The following FBXO22 variants were observed in gnomAD, a reference collection of about 807,000 sequenced individuals.
FBXO22 encodes F-box protein 22.
A neutral mutation model predicts 37.2 loss-of-function variants in FBXO22; 13 were observed. That is an observed-to-expected ratio of 0.35 (90% CI 0.23 to 0.56). The LOEUF (loss-of-function observed/expected upper bound fraction) is 0.56, where lower values mean the gene tolerates loss of function less well. FBXO22 is among the 20% of genes least tolerant of loss of function. The pLI is 0.87. For synonymous variants in FBXO22, 189 were observed against 189.1 expected (o/e 1.00, Z 0.00); for missense variants, 446 against 509.9 (o/e 0.87, Z 1.21).
At chr15:75,907,752 A>T (rs1389248492) in intron 2 of FBXO22, among the ~76,000 whole-genome samples, 4 of 151,436 alleles carry the variant, frequency 2.6e-5, no homozygotes, top group Non-Finnish European at 5.9e-5. Context: ...ATAAATATTT[A>T]AAAATATCAA....
At chr15:75,904,930 TCTC>T (rs1899893108) in intron 2 of FBXO22, among the ~76,000 whole-genome samples, 1 of 151,222 alleles carries the variant, frequency 6.6e-6, no homozygotes, top group Non-Finnish European at 1.5e-5. Flanking sequence ...TTCACGCCAT[TCTC>T]CTGCCTCAGC....
intron 4 of FBXO22, 96 bp from the exon 5 acceptor site, chr15:75,917,134 G>T (rs530894993): frequency 5.0e-5 from 42 of 838,024 alleles, no homozygotes; most frequent in Non-Finnish European, 7.4e-5. Flanking sequence ...TACTCAGATA[G>T]TGGCTTGTTA....
chr15:75,932,315 A>C (rs533509354), intron 6 of FBXO22, among the ~76,000 whole-genome samples: 3 of 152,244 alleles, frequency 2.0e-5, no homozygotes, highest in Admixed American at 2.0e-4. Flanking sequence ...CAATAGCAGA[A>C]GGCTTCGTTT....
At chr15:75,920,619 C>T (rs757779836) in intron 5 of FBXO22, among the ~76,000 whole-genome samples, 10 of 151,804 alleles carry the variant, frequency 6.6e-5, no homozygotes, top group South Asian at 4.2e-4. Flanking sequence ...CCCAGGAGTT[C>T]GAGACCAGCC....
At position 75,914,632 on chromosome 15, in the gene FBXO22, T is replaced by C. The variant is rs576105482; in HGVS notation, c.463+427T>C. Reference sequence around the variant, plus strand: ...ACTCTTCAATGTTTACAGCATGAGGTTGTGCCCCTTTCCATGCTTGATTGC... The same window carrying C: ...ACTCTTCAATGTTTACAGCATGAGGCTGTGCCCCTTTCCATGCTTGATTGC... On this transcript the variant is annotated intron_variant, in intron 4 of 6. Transcript: ENST00000308275. 7.9e-5 allele frequency among the ~76,000 whole-genome samples: 12 copies of C among 152,334 alleles called. 1 individual carries two copies. The South Asian group carries it at 2.5e-3, about 32-fold the overall frequency.
chr15:75,932,699 T>C lies in FBXO22; in HGVS notation c.809T>C (p.Ile270Thr), dbSNP rs35659477. The change falls in exon 7 of 7, where the codon ATT becomes ACT. Residue 270 changes from isoleucine to threonine, a missense_variant. By Grantham distance (89) the Ile-to-Thr change is moderately conservative (BLOSUM62 -1). Around this residue, in one of 2 missense-constraint regions of FBXO22, gnomAD observed 315 missense variants for 410.1 expected, o/e 0.77. Coordinates refer to ENST00000308275, the MANE Select transcript of FBXO22 (RefSeq NM_147188.3). ...SLTSEKNPLD[I>T]DASGVVGLSF... ...AAATTTTCCAGGAACCCTCTGGATA[T>C]TGATGCCTCGGGTGTGGTTGGACTG... is the stretch of plus-strand genomic sequence containing the variant. 444 of 1,593,794 alleles carry C rather than the reference T, an allele frequency of 2.8e-4. 2 individuals are homozygous for C. In the African/African-American group the frequency reaches 5.6e-3, roughly 20 times the overall value.
rs757686717 is a variant in FBXO22 at position 75,913,210 on chromosome 15, G to A, written c.287G>A (p.Arg96His). The change falls in exon 3 of 7, where the codon CGC becomes CAC. Residue 96 changes from arginine (R) to histidine (H), a missense_variant. Transcript: ENST00000308275. Reference sequence around the variant, plus strand: ...TTTTTTTTTTCTTTGCAGAATGTTCGCATCTTACCACATACAGTTCTTTAC... The same window carrying A: ...TTTTTTTTTTCTTTGCAGAATGTTCACATCTTACCACATACAGTTCTTTAC... ...RVVAEELENV[R>H]ILPHTVLYMA... The A allele has an allele frequency of 8.7e-6, 14 of 1,603,170 alleles. No individual in the cohort carries two copies. The highest frequency in any genetic ancestry group is 5.5e-5 in the South Asian group (5 of 90,392).
intron 5 of FBXO22, among the ~76,000 whole-genome samples, chr15:75,922,211 TAGGC>T (rs1358660397): frequency 2.0e-5 from 3 of 152,220 alleles, no homozygotes; most frequent in Non-Finnish European, 4.4e-5. Flanking sequence ...TGCTACACAT[TAGGC>T]AGTAGGAATT....
intron 5 of FBXO22, among the ~76,000 whole-genome samples, chr15:75,924,098 T>G (rs1417539437): frequency 6.6e-6 from 1 of 152,150 alleles, no homozygotes; most frequent in East Asian, 1.9e-4. Flanking sequence ...GAGATATTGA[T>G]TATAGACAGT....
chr15:75,931,301 C>T (rs995379172), intron 6 of FBXO22, among the ~76,000 whole-genome samples: 3 of 152,156 alleles, frequency 2.0e-5, no homozygotes, highest in African/African-American at 7.2e-5. Context: ...TTACTCTTCA[C>T]ATGACCCATT....
intron 6 of FBXO22, chr15:75,930,387 A>T (rs1290255932): frequency 4.2e-6 from 5 of 1,180,582 alleles, no homozygotes; most frequent in Admixed American, 4.2e-5. Flanking sequence ...TAAAGGAAAC[A>T]CATGGTTAGA....
At chr15:75,922,839 G>C (rs1900356247) in intron 5 of FBXO22, among the ~76,000 whole-genome samples, 1 of 152,172 alleles carries the variant, frequency 6.6e-6, no homozygotes, top group African/African-American at 2.4e-5. Flanking sequence ...TGAAAGAGAA[G>C]GGAAGCCTCA....
rs1471722647 is a variant in FBXO22 at position 75,941,733 on chromosome 15, T to C, written c.*8631T>C. ...TCATAGAGACAAAGTAGAACAAAGA[T>C]TACGTTTTGTCACAGGGAGCAGGAG... On this transcript the variant is annotated 3_prime_UTR_variant, in exon 7 of 7. Transcript: ENST00000308275. The C allele has an allele frequency of 1.3e-5, 2 of 151,992 alleles. No homozygotes were observed. The highest frequency in any genetic ancestry group is 1.5e-5 in the Non-Finnish European group (1 of 67,994). The allele number at this position is 151,992 out of a possible 1,614,324, so 9.4% of individuals were successfully genotyped here. A position where few individuals can be genotyped will look rare whatever the true frequency, so the allele number is the denominator to read the frequency against.
At chr15:75,926,070 C>T (rs1169710424) in intron 5 of FBXO22, among the ~76,000 whole-genome samples, 2 of 152,134 alleles carry the variant, frequency 1.3e-5, no homozygotes, top group African/African-American at 4.8e-5. Context: ...AAAGGTTCAC[C>T]AGTAGGTTAC....
At chr15:75,907,205 T>C (rs1899948772) in intron 2 of FBXO22, among the ~76,000 whole-genome samples, 1 of 152,204 alleles carries the variant, frequency 6.6e-6, no homozygotes. Context: ...ATACCAGCGG[T>C]GTGACTTTGA....
rs2030947058 is a variant in FBXO22, at chr15:75,941,460, G to C, written c.*8358G>C. On this transcript the variant is annotated 3_prime_UTR_variant, in exon 7 of 7. Coordinates refer to ENST00000308275, the MANE Select transcript of FBXO22 (RefSeq NM_147188.3). Reference sequence around the variant, plus strand: ...AATAATTGAAAGCGGAGGCTTGAGGGTATATTTGTATACCAGTGTTCACTG... The same window carrying C: ...AATAATTGAAAGCGGAGGCTTGAGGCTATATTTGTATACCAGTGTTCACTG... 1 of 152,094 alleles carries C rather than the reference G, an allele frequency of 6.6e-6. No individual in the cohort carries two copies. The highest frequency in any genetic ancestry group is 2.4e-5 in the African/African-American group (1 of 41,418). The allele number at this position is 152,094 out of a possible 1,614,324, so 9.4% of individuals were successfully genotyped here.
chr15:75,912,732 GT>G (rs1900088965), intron 2 of FBXO22, among the ~76,000 whole-genome samples: 1 of 152,100 alleles, frequency 6.6e-6, no homozygotes, highest in South Asian at 2.1e-4. Flanking sequence ...GATTCATTGA[GT>G]TTTTGAAGGA....
intron 6 of FBXO22, chr15:75,930,356 C>G: frequency 5.6e-6 from 7 of 1,255,688 alleles, no homozygotes; most frequent in Middle Eastern, 3.3e-4. Flanking sequence ...AATGTGTCAC[C>G]TCCTTTCTAG....
rs1313891414 is a variant in FBXO22, at chr15:75,941,886, A to G, written c.*8784A>G. On this transcript the variant is annotated 3_prime_UTR_variant, in exon 7 of 7. Coordinates refer to ENST00000308275, the MANE Select transcript of FBXO22 (RefSeq NM_147188.3). ...AATGCCTTTAAACTGTAACTTCAAA[A>G]TGGTTAAAATTTAAATCTTACGTAC... The G allele has an allele frequency of 6.9e-6, 1 of 145,792 alleles. No individual in the cohort carries two copies. Among genetic ancestry groups the G allele is most frequent in the Non-Finnish European group, 1.5e-5 (1 of 67,020 alleles). 9.0% of individuals were successfully genotyped at this position (145,792 alleles called of 1,614,324 possible).
Sources: allele counts gnomAD v4.1 joint callset (sites outside exome capture counted in the v4.1 genomes callset), GRCh38; gene constraint gnomAD v4.1.1; regional missense constraint gnomAD v4.1.1; transcripts MANE v1.5; gene names NCBI Gene and HGNC (gene_info 2026-07-23, HGNC 2026-07-21).